The following CIB4 variants were observed in gnomAD, a reference collection of about 807,000 sequenced individuals.
CIB4 encodes calcium and integrin-binding family member 4.
CIB4 carries 25 observed loss-of-function variants against 25.8 expected under a neutral mutation model. The observed-to-expected ratio is 0.97, with a 90% CI of 0.71 to 1.35. The LOEUF (loss-of-function observed/expected upper bound fraction) is 1.35. Among genes scored for constraint, CIB4 ranks in the 40% most tolerant of loss-of-function variants. The pLI, the probability that CIB4 is intolerant of heterozygous loss-of-function variation, is 0.00. For missense variants in CIB4, 235 were observed against 228.2 expected, an observed-to-expected ratio of 1.03 and a Z score of -0.19; for synonymous variants, 75 against 81.4, an observed-to-expected ratio of 0.92 and a Z score of 0.42.
At chr2:26,623,743 G>A (rs143381313) in intron 3 of CIB4, 3 of 321,494 alleles carry the variant, frequency 9.3e-6, no homozygotes, top group East Asian at 8.4e-5. Context: ...GGCCAGGGGG[G>A]TGAGGTGGCC....
intron 3 of CIB4, among the ~76,000 whole-genome samples, chr2:26,626,763 T>C (rs940333373): frequency 9.2e-5 from 14 of 152,038 alleles, no homozygotes; most frequent in Admixed American, 3.9e-4. Context: ...GCACCTAGCC[T>C]ATCTGCTGGG....
chr2:26,624,562 T>G (rs531487158), intron 3 of CIB4, among the ~76,000 whole-genome samples: 1 of 152,278 alleles, frequency 6.6e-6, no homozygotes, highest in South Asian at 2.1e-4. Flanking sequence ...CTTACATTTT[T>G]GTTTTAAAAT....
chr2:26,623,767 G>T, intron 3 of CIB4: 1 of 305,112 alleles, frequency 3.3e-6, no homozygotes, highest in South Asian at 2.9e-5. Context: ...CCAGTGTGCA[G>T]GCCTCCACCC....
chr2:26,602,262 A>C (rs1373102819), intron 3 of CIB4, among the ~76,000 whole-genome samples: 1 of 152,236 alleles, frequency 6.6e-6, no homozygotes, highest in African/African-American at 2.4e-5. Flanking sequence ...TAACTTTGAA[A>C]GGTGGTGTTT....
At chr2:26,640,342 C>T (rs145879121) in intron 2 of CIB4, among the ~76,000 whole-genome samples, 191 bp downstream of exon 2, 69 of 152,370 alleles carry the variant, frequency 4.5e-4, no homozygotes, top group African/African-American at 1.6e-3. Flanking sequence ...CATTCAGCTC[C>T]AGTGGGGCTC....
chr2:26,594,259 G>A (rs1022552413), intron 4 of CIB4, among the ~76,000 whole-genome samples: 5 of 152,108 alleles, frequency 3.3e-5, no homozygotes, highest in South Asian at 2.1e-4. Context: ...TTCTCAGGAG[G>A]GGACTCTGTG....
At chr2:26,598,762 T>A (rs1417238887) in intron 3 of CIB4, among the ~76,000 whole-genome samples, 2 of 152,182 alleles carry the variant, frequency 1.3e-5, no homozygotes, top group Admixed American at 1.3e-4. Context: ...GTTCAGGTTA[T>A]GAGCCCCCCT....
chr2:26,631,156 C>T (rs1669412621), intron 2 of CIB4, among the ~76,000 whole-genome samples: 1 of 152,110 alleles, frequency 6.6e-6, no homozygotes, highest in Non-Finnish European at 1.5e-5. Flanking sequence ...AAATGAGGCT[C>T]TGATTGGTGG....
chr2:26,607,483 AAT>A (rs1668913737), intron 3 of CIB4, among the ~76,000 whole-genome samples: 3 of 152,216 alleles, frequency 2.0e-5, no homozygotes, highest in Non-Finnish European at 4.4e-5. Context: ...TCAACTCTAC[AAT>A]ATCTTATAAC....
Position 26,583,188 on chromosome 2 carries a change from A to C in CIB4, c.439-275T>G, listed in dbSNP as rs1572534820. 2.6e-5 allele frequency among the ~76,000 whole-genome samples: 4 copies of C among 152,290 alleles called. No individual in the cohort carries two copies. The East Asian group carries it at 7.7e-4, about 29-fold the overall frequency. On this transcript the variant is annotated intron_variant, in intron 5 of 6. Coordinates refer to ENST00000288861, the MANE Select transcript of CIB4 (RefSeq NM_001029881.3). ...CCACCTGCCCCACCAACCAGTACAC[A>C]CAGGGGCTCTGCACTGAAGGGGGCC...
chr2:26,589,552 C>G (rs1043490457), intron 4 of CIB4, among the ~76,000 whole-genome samples: 1 of 152,146 alleles, frequency 6.6e-6, no homozygotes, highest in African/African-American at 2.4e-5. Flanking sequence ...AAACTCCTGA[C>G]CTCAGGTGAT....
At chr2:26,621,224 T>C (rs958320237) in intron 3 of CIB4, among the ~76,000 whole-genome samples, 2 of 25,946 alleles carry the variant, frequency 7.7e-5, no homozygotes, top group Admixed American at 3.4e-4. Context: ...AGTAGTAAAA[T>C]AAAAGAGAAG....
rs1268208041 is a variant in CIB4, at chr2:26,627,418, G to A, written c.186+1992C>T. Among the ~76,000 whole-genome samples the A allele has an allele frequency of 6.6e-6, 1 of 152,190 alleles. No individual in the cohort carries two copies. Among genetic ancestry groups the A allele is most frequent in the Non-Finnish European group, 1.5e-5 (1 of 68,032 alleles). ...TGGGTGGTCTCTAAGTTTCTTTCCA[G>A]TCGTAGCATTCAGAGAGTCTGGGAC... On this transcript the variant is annotated intron_variant, in intron 3 of 6. Transcript: ENST00000288861. The surrounding 1 kb of genome is among the most constrained non-coding windows in gnomAD (Gnocchi z 4.0).
intron 2 of CIB4, among the ~76,000 whole-genome samples, chr2:26,638,612 A>C (rs1030762686): frequency 1.3e-5 from 2 of 152,130 alleles, no homozygotes; most frequent in African/African-American, 4.8e-5. Context: ...TGAGAGTACA[A>C]ACTGGTGCAA....
chr2:26,621,932 A>G (rs1669210948), intron 3 of CIB4, among the ~76,000 whole-genome samples: 1 of 152,262 alleles, frequency 6.6e-6, no homozygotes, highest in Admixed American at 6.5e-5. Context: ...GTGTCATTTC[A>G]ATGAAAAGTA....
chr2:26,601,844 A>G (rs753308846), intron 3 of CIB4, among the ~76,000 whole-genome samples: 13 of 152,242 alleles, frequency 8.5e-5, no homozygotes, highest in Admixed American at 3.3e-4. Context: ...TAATGAAACA[A>G]CGTGGATGAT....
At chr2:26,613,063 T>C (rs189100052) in intron 3 of CIB4, among the ~76,000 whole-genome samples, 23 of 152,262 alleles carry the variant, frequency 1.5e-4, no homozygotes, top group Admixed American at 1.4e-3. Flanking sequence ...TAGGGGACTT[T>C]CAGCAGATGC....
chr2:26,606,187 A>G (rs1449572881), intron 3 of CIB4, among the ~76,000 whole-genome samples: 1 of 152,250 alleles, frequency 6.6e-6, no homozygotes, highest in African/African-American at 2.4e-5. Context: ...GGGCCCCCCA[A>G]AATGATGCAG....
At chr2:26,600,380 G>T (rs1393049147) in intron 3 of CIB4, among the ~76,000 whole-genome samples, 3 of 151,948 alleles carry the variant, frequency 2.0e-5, no homozygotes, top group Non-Finnish European at 2.9e-5. Flanking sequence ...CTCCAGCTTG[G>T]GTGACAGAGC....
Sources: gnomAD v4.1 joint callset for allele counts (sites outside exome capture counted in the v4.1 genomes callset) on GRCh38, gnomAD v4.1.1 for gene constraint, Gnocchi (gnomAD v3.1) non-coding constraint, MANE v1.5 for transcripts, NCBI Gene and HGNC (gene_info 2026-07-23, HGNC 2026-07-21) for gene names.